The following PRKG1 variants were observed in gnomAD, a reference collection of about 807,000 sequenced individuals.
PRKG1 encodes cGMP-dependent protein kinase 1.
Under a neutral mutation model 88.1 loss-of-function variants are expected in PRKG1, and 35 were observed. That is an observed-to-expected ratio of 0.40 (90% CI 0.30 to 0.53). PRKG1 has a LOEUF of 0.53. PRKG1 is among the 20% of genes least tolerant of loss of function. The pLI, the probability that PRKG1 is intolerant of heterozygous loss-of-function variation, is 0.59. For synonymous variants in PRKG1, 303 were observed against 292.5 expected, an observed-to-expected ratio of 1.04 and a Z score of -0.37; for missense variants, 540 against 839.8, an observed-to-expected ratio of 0.64 and a Z score of 4.41.
chr10:51,628,008 C>CTT (rs57067430), intron 3 of PRKG1, among the ~76,000 whole-genome samples: 71 of 50,476 alleles, frequency 1.4e-3, no homozygotes, highest in Middle Eastern at 0.02. Context: ...CTCTCTCTCT[C>CTT]TCTTTCTTTC....
intron 2 of PRKG1, among the ~76,000 whole-genome samples, chr10:51,268,622 TG>T (rs1445661691): frequency 6.6e-6 from 1 of 152,206 alleles, no homozygotes; most frequent in Admixed American, 6.5e-5. Context: ...GCTGTTATCC[TG>T]TTCTTTTTTC....
At chr10:51,252,249 A>G (rs1839446014) in intron 2 of PRKG1, among the ~76,000 whole-genome samples, 1 of 151,858 alleles carries the variant, frequency 6.6e-6, no homozygotes, top group Admixed American at 6.6e-5. Context: ...AGGAATTGCA[A>G]GTCTTCAGGT....
At chr10:51,321,185 C>T (rs992960776) in intron 2 of PRKG1, among the ~76,000 whole-genome samples, 1 of 152,108 alleles carries the variant, frequency 6.6e-6, no homozygotes, top group South Asian at 2.1e-4. Context: ...GTCTTTGAAG[C>T]CAAACTGACC....
intron 3 of PRKG1, among the ~76,000 whole-genome samples, chr10:51,689,239 A>ACTCTCTATCTAT (rs1554832294): frequency 6.7e-6 from 1 of 150,220 alleles, no homozygotes; most frequent in Non-Finnish European, 1.5e-5. Flanking sequence ...AAATCTATCT[A>ACTCTCTATCTAT]CTATCTATCT....
chr10:51,311,160 A>G (rs1474162754), intron 2 of PRKG1, among the ~76,000 whole-genome samples: 2 of 152,208 alleles, frequency 1.3e-5, no homozygotes, highest in Admixed American at 6.5e-5. Context: ...CTTTCTTAAA[A>G]TACTTGAACA....
At chr10:51,302,429 T>C (rs1048789456) in intron 2 of PRKG1, 1 of 152,190 alleles carries the variant, frequency 6.6e-6, no homozygotes, top group African/African-American at 2.4e-5. Context: ...CTATGGTGTG[T>C]CATAAGCACT....
At chr10:51,361,473 G>C (rs534152433) in intron 2 of PRKG1, among the ~76,000 whole-genome samples, 1 of 152,022 alleles carries the variant, frequency 6.6e-6, no homozygotes, top group Non-Finnish European at 1.5e-5. Flanking sequence ...TCCAGCCTCT[G>C]AGTCATGGTC....
chr10:51,164,633 G>C (rs940892866), intron 2 of PRKG1, among the ~76,000 whole-genome samples: 8 of 151,990 alleles, frequency 5.3e-5, no homozygotes, highest in African/African-American at 1.9e-4. Context: ...CAAAGGCAAA[G>C]AAGTTAAAAA....
At chr10:52,102,510 C>T (rs531266509) in intron 7 of PRKG1, among the ~76,000 whole-genome samples, 29 of 150,026 alleles carry the variant, frequency 1.9e-4, no homozygotes, top group African/African-American at 6.1e-4. Flanking sequence ...CTGGAGGAAA[C>T]GGTCTAGATG....
intron 3 of PRKG1, among the ~76,000 whole-genome samples, chr10:51,742,684 G>A (rs187867618): frequency 6.6e-6 from 1 of 152,274 alleles, no homozygotes; most frequent in African/African-American, 2.4e-5. Flanking sequence ...ATGAAGAGGA[G>A]TGGGGAAACT....
At chr10:51,565,692 CT>C (rs1837583427) in intron 3 of PRKG1, among the ~76,000 whole-genome samples, 1 of 152,018 alleles carries the variant, frequency 6.6e-6, no homozygotes, top group African/African-American at 2.4e-5. Context: ...ACCCTTGAAA[CT>C]TAAAACACTT....
At chr10:51,114,918 G>C (rs2131903233) in intron 1 of PRKG1, among the ~76,000 whole-genome samples, 1 of 152,234 alleles carries the variant, frequency 6.6e-6, no homozygotes, top group Admixed American at 6.5e-5. Context: ...TGGATTAATG[G>C]AAACTAAAAC....
intron 4 of PRKG1, among the ~76,000 whole-genome samples, chr10:51,867,057 A>T (rs905725374): frequency 6.6e-6 from 1 of 152,190 alleles, no homozygotes; most frequent in Non-Finnish European, 1.5e-5. Flanking sequence ...GACTTCCTGT[A>T]GAAAACCATA....
intron 9 of PRKG1, among the ~76,000 whole-genome samples, chr10:52,180,095 T>G (rs1036359562): frequency 2.0e-5 from 3 of 152,228 alleles, no homozygotes; most frequent in Non-Finnish European, 2.9e-5. Context: ...CTTTCTTCAT[T>G]ACTTTTTATT....
chr10:51,607,583 A>G (rs1369387383), intron 3 of PRKG1, among the ~76,000 whole-genome samples: 3 of 152,144 alleles, frequency 2.0e-5, no homozygotes, highest in South Asian at 4.1e-4. Context: ...CTCCCTCTAT[A>G]TCTCCTATCT....
chr10:52,207,276 C>A (rs1039827503), intron 9 of PRKG1, among the ~76,000 whole-genome samples: 4 of 151,984 alleles, frequency 2.6e-5, no homozygotes, highest in Admixed American at 2.6e-4. Flanking sequence ...TGTATGCAGG[C>A]TAGTCTGCTA....
chr10:52,245,812 G>T (rs1841009660), intron 9 of PRKG1, among the ~76,000 whole-genome samples: 1 of 148,000 alleles, frequency 6.8e-6, no homozygotes, highest in Admixed American at 6.8e-5. Context: ...TTTGTTGGAG[G>T]CACTTAGAGT....
chr10:51,940,010 A>G (rs1032539314), intron 5 of PRKG1, among the ~76,000 whole-genome samples: 4 of 151,930 alleles, frequency 2.6e-5, no homozygotes, highest in African/African-American at 9.7e-5. Flanking sequence ...CTGCCTTTGA[A>G]TTAAAATTAA....
At chr10:52,293,745 C>G in intron 17 of PRKG1, 57 bp from the exon 18 acceptor site, 2 of 1,414,410 alleles carry the variant, frequency 1.4e-6, no homozygotes, top group Non-Finnish European at 1.0e-6. Context: ...TTAAAAATTC[C>G]AGCTTGGAAT....
Sources: allele counts gnomAD v4.1 joint callset (sites outside exome capture counted in the v4.1 genomes callset), GRCh38; gene constraint gnomAD v4.1.1; transcripts MANE v1.5; gene names NCBI Gene and HGNC (gene_info 2026-07-23, HGNC 2026-07-21).